Variants in CACNA1E observed in about 807,000 individuals in gnomAD.
CACNA1E encodes the protein voltage-dependent R-type calcium channel subunit alpha-1E.
CACNA1E carries 40 observed loss-of-function variants against 259.2 expected under a neutral mutation model. That is an observed-to-expected ratio of 0.15 (90% CI 0.12 to 0.20). The LOEUF is 0.20. Among genes scored for constraint, CACNA1E ranks in the 10% least tolerant of loss-of-function variants. The pLI is 1.00. For missense variants in CACNA1E, 1,874 were observed against 3,040.1 expected (o/e 0.62, Z 9.02); for synonymous variants, 1,104 against 1,138.5 (o/e 0.97, Z 0.61).
chr1:181,483,748 G>A lies in CACNA1E; in HGVS notation c.4G>A (p.Ala2Thr). The A allele has an allele frequency of 6.2e-7, 1 of 1,607,206 alleles. No individual in the cohort carries two copies. The highest frequency in any genetic ancestry group is 8.5e-7 in the Non-Finnish European group (1 of 1,176,752). Residue 2 changes from alanine to threonine, a missense_variant, in exon 1 of 48, where the codon GCT becomes ACT. Physicochemically the swap from Ala to Thr is moderately conservative, Grantham distance 58. Transcript: ENST00000367573. M[A>T]RFGEAVVARP... ...TTCTGTCTGTTTAAACCTCAGGATG[G>A]CTCGCTTCGGGGAGGCGGTGGTCGC...
At chr1:181,414,023 C>T (rs148485031) in intron 2 of CACNA1E, among the ~76,000 whole-genome samples, 33 of 152,340 alleles carry the variant, frequency 2.2e-4, no homozygotes, top group Admixed American at 9.1e-4. Context: ...ATTTTGGGCA[C>T]ATCTCCAGTG....
At chr1:181,369,193 G>T (rs1245637327) in intron 1 of CACNA1E, among the ~76,000 whole-genome samples, 1 of 152,210 alleles carries the variant, frequency 6.6e-6, no homozygotes, top group Non-Finnish European at 1.5e-5. Flanking sequence ...AAGCTAGTTG[G>T]CTCCAAGGTA....
chr1:181,414,421 T>G (rs1335576750), intron 2 of CACNA1E, among the ~76,000 whole-genome samples: 1 of 152,258 alleles, frequency 6.6e-6, no homozygotes, highest in Non-Finnish European at 1.5e-5. Context: ...GTGAATGTTC[T>G]GGATGATACA....
intron 6 of CACNA1E, among the ~76,000 whole-genome samples, chr1:181,609,266 A>G (rs1484871330): frequency 6.6e-6 from 1 of 152,206 alleles, no homozygotes; most frequent in Non-Finnish European, 1.5e-5. Context: ...ATGAACAGGA[A>G]ATAAAACATA....
chr1:181,695,714 C>T (rs1029994916), intron 7 of CACNA1E, among the ~76,000 whole-genome samples: 1 of 152,184 alleles, frequency 6.6e-6, no homozygotes, highest in Non-Finnish European at 1.5e-5. Context: ...TGTAATCCCA[C>T]TTTGGGAGGC....
Position 181,717,914 on chromosome 1 carries a change from C to T in CACNA1E, c.1526-141C>T, listed in dbSNP as rs1654053396. On this transcript the variant is annotated intron_variant, in intron 11 of 47. Coordinates refer to ENST00000367573, the MANE Select transcript of CACNA1E (RefSeq NM_001205293.3). Reference sequence around the variant, plus strand: ...GAGGGTACTCGGACATCATTAGGCTCTGTCCAGCCCTGGCCTGATGTGGCC... The same window carrying T: ...GAGGGTACTCGGACATCATTAGGCTTTGTCCAGCCCTGGCCTGATGTGGCC... 5.1e-6 allele frequency: 3 copies of T among 585,432 alleles called. No homozygotes were observed. The South Asian group carries it at 6.4e-5, about 13-fold the overall frequency. 36.3% of individuals were successfully genotyped at this position (585,432 alleles called of 1,614,324 possible).
chr1:181,724,736 A>G (rs1301255895), intron 17 of CACNA1E, among the ~76,000 whole-genome samples, 199 bp downstream of exon 17: 2 of 152,208 alleles, frequency 1.3e-5, no homozygotes, highest in African/African-American at 4.8e-5. Flanking sequence ...GTGAGCCTCA[A>G]CCTAGCCCAG....
At chr1:181,361,194 C>A (rs1479167785) in intron 1 of CACNA1E, among the ~76,000 whole-genome samples, 3 of 152,194 alleles carry the variant, frequency 2.0e-5, no homozygotes, top group African/African-American at 7.2e-5. Context: ...GACCCAAAAG[C>A]CAAATCTAAC....
intron 1 of CACNA1E, among the ~76,000 whole-genome samples, chr1:181,366,958 TA>T (rs1303136939): frequency 1.3e-5 from 2 of 152,194 alleles, no homozygotes; most frequent in African/African-American, 4.8e-5. Context: ...TTGCATCCCT[TA>T]AAACTTGTTC....
At chr1:181,727,167 T>A (rs1654988953) in intron 18 of CACNA1E, among the ~76,000 whole-genome samples, 1 of 152,176 alleles carries the variant, frequency 6.6e-6, no homozygotes, top group African/African-American at 2.4e-5. Context: ...TTGTTCGCAT[T>A]TAGATGGCAT....
chr1:181,711,516 G>A (rs1653361018), intron 8 of CACNA1E, among the ~76,000 whole-genome samples: 1 of 152,206 alleles, frequency 6.6e-6, no homozygotes, highest in Middle Eastern at 3.2e-3. Flanking sequence ...AAGCTCTCTA[G>A]TTGGCTAAGG....
At chr1:181,505,109 C>A (rs1383722899) in intron 1 of CACNA1E, among the ~76,000 whole-genome samples, 1 of 152,168 alleles carries the variant, frequency 6.6e-6, no homozygotes, top group Non-Finnish European at 1.5e-5. Context: ...TTAATCCTCT[C>A]CGAAGTCTTT....
chr1:181,661,823 T>G (rs1647711493), intron 7 of CACNA1E, among the ~76,000 whole-genome samples: 1 of 152,210 alleles, frequency 6.6e-6, no homozygotes, highest in African/African-American at 2.4e-5. Flanking sequence ...TTTGCCAAAG[T>G]AAACAAAGCT....
intron 8 of CACNA1E, 77 bp downstream of exon 8, chr1:181,711,146 C>A: frequency 1.0e-6 from 1 of 976,178 alleles, no homozygotes. Context: ...CCCAATGCTC[C>A]CATTCAAGGG....
At chr1:181,707,518 C>T (rs1313879258) in intron 7 of CACNA1E, among the ~76,000 whole-genome samples, 6 of 152,244 alleles carry the variant, frequency 3.9e-5, no homozygotes, top group Non-Finnish European at 7.4e-5. Flanking sequence ...GGAGGTTAGA[C>T]GGGGGTTTGT....
intron 3 of CACNA1E, among the ~76,000 whole-genome samples, chr1:181,515,640 A>C (rs2102646747): frequency 6.6e-6 from 1 of 152,338 alleles, no homozygotes; most frequent in Admixed American, 6.5e-5. Context: ...CACCTGGAGA[A>C]TTCCAAATTA....
At chr1:181,578,896 C>T (rs1651241910) in intron 4 of CACNA1E, among the ~76,000 whole-genome samples, 176 bp from the exon 5 acceptor site, 2 of 152,230 alleles carry the variant, frequency 1.3e-5, no homozygotes, top group Non-Finnish European at 2.9e-5. Flanking sequence ...GAAGGATTTA[C>T]AGCCTAGCAG....
chr1:181,632,164 C>T (rs1656809225), intron 6 of CACNA1E, among the ~76,000 whole-genome samples: 1 of 135,086 alleles, frequency 7.4e-6, no homozygotes, highest in South Asian at 2.6e-4. Context: ...AACTTCTCTT[C>T]ACCCTGTAGT....
chr1:181,355,973 A>C (rs1039659007), intron 1 of CACNA1E, among the ~76,000 whole-genome samples: 1 of 152,184 alleles, frequency 6.6e-6, no homozygotes, highest in African/African-American at 2.4e-5. Flanking sequence ...AAGTTGTTTT[A>C]AGTGTTTCAT....
Sources: allele counts gnomAD v4.1 joint callset (sites outside exome capture counted in the v4.1 genomes callset), GRCh38; gene constraint gnomAD v4.1.1; transcripts MANE v1.5; gene names NCBI Gene and HGNC (gene_info 2026-07-23, HGNC 2026-07-21).